FBXW2: variants seen among roughly 807,000 people sequenced by gnomAD.
FBXW2 encodes the protein F-box and WD repeat domain containing 2.
In FBXW2, 12 loss-of-function variants were observed where a neutral mutation model predicts 46.0. The ratio of observed to expected loss-of-function variants is 0.26; its 90% CI spans 0.17 to 0.42. The LOEUF (loss-of-function observed/expected upper bound fraction) is 0.42, where lower values mean the gene tolerates loss of function less well. Ranked by LOEUF, FBXW2 falls within the 10% of genes least tolerant of loss-of-function variation. FBXW2 has a pLI of 1.00. For missense variants in FBXW2, 360 were observed against 537.0 expected, an observed-to-expected ratio of 0.67 and a Z score of 3.26; for synonymous variants, 203 against 209.6, an observed-to-expected ratio of 0.97 and a Z score of 0.27.
intron 7 of FBXW2, among the ~76,000 whole-genome samples, chr9:120,766,438 A>G (rs1338979914): frequency 6.6e-6 from 1 of 152,118 alleles, no homozygotes; most frequent in Non-Finnish European, 1.5e-5. Flanking sequence ...CGAACTTCAT[A>G]ATTAACATGT....
chr9:120,785,956 T>C (rs947961521), intron 3 of FBXW2, among the ~76,000 whole-genome samples: 7 of 143,752 alleles, frequency 4.9e-5, no homozygotes, highest in African/African-American at 1.8e-4. Context: ...GAGGCAGAGG[T>C]TGCAGTGAGC....
intron 3 of FBXW2, among the ~76,000 whole-genome samples, chr9:120,786,528 T>A (rs2044727012): frequency 6.6e-6 from 1 of 152,188 alleles, no homozygotes; most frequent in Non-Finnish European, 1.5e-5. Flanking sequence ...TCTTAGGCAG[T>A]TTTTTTAGCA....
At position 120,760,070 on chromosome 9, in the gene FBXW2, C is replaced by T. The variant is rs2044174102; in HGVS notation, c.*4489G>A. ...AAGTGAATCTGTTCTTTTCATCAGA[C>T]ATTCTGAGGACAGCATAATTCTCAA... On this transcript the variant is annotated 3_prime_UTR_variant, in exon 8 of 8. Coordinates refer to ENST00000608872, the MANE Select transcript of FBXW2 (RefSeq NM_012164.4). 6.6e-6 allele frequency: 1 copy of T among 152,238 alleles called. No individual in the cohort carries two copies. The highest frequency in any genetic ancestry group is 2.4e-5 in the African/African-American group (1 of 41,464). 9.4% of individuals were successfully genotyped at this position (152,238 alleles called of 1,614,324 possible).
At chr9:120,772,400 G>A (rs2044397339) in intron 6 of FBXW2, among the ~76,000 whole-genome samples, 1 of 152,066 alleles carries the variant, frequency 6.6e-6, no homozygotes, top group African/African-American at 2.4e-5. Flanking sequence ...GGCTGAGGCA[G>A]GAGAATCACT....
In FBXW2 at chr9:120,763,450, T is replaced by G. The variant is rs1042400823; in HGVS notation, c.*1109A>C. On this transcript the variant is annotated 3_prime_UTR_variant, in exon 8 of 8. Transcript: ENST00000608872. ...GTTGGGTTCAGGTATCCTTCTAGTA[T>G]AGCATACTGTGTCCCTATTTAAACC... 6.6e-6 allele frequency: 1 copy of G among 152,218 alleles called. No individual in the cohort carries two copies. The highest frequency in any genetic ancestry group is 6.5e-5 in the Admixed American group (1 of 15,280). The allele number at this position is 152,218 out of a possible 1,614,324, so 9.4% of individuals were successfully genotyped here. A position where few individuals can be genotyped will look rare whatever the true frequency, so the allele number is the denominator to read the frequency against.
At chr9:120,784,873 A>G (rs916055220) in intron 3 of FBXW2, among the ~76,000 whole-genome samples, 1 of 148,946 alleles carries the variant, frequency 6.7e-6, no homozygotes, top group African/African-American at 2.5e-5. Flanking sequence ...GTGAGCCGAG[A>G]CTGCGCCACT....
chr9:120,788,238 C>A lies in FBXW2; in HGVS notation c.21G>T (p.Glu7Asp), dbSNP rs754706174. The A allele has an allele frequency of 2.5e-6, 4 of 1,613,810 alleles. No individual in the cohort carries two copies. Among genetic ancestry groups the A allele is most frequent in the Non-Finnish European group, 2.5e-6 (3 of 1,180,030 alleles). The change falls in exon 3 of 8, where the codon GAG becomes GAT. Residue 7 changes from glutamate (E) to aspartate (D), a missense_variant. Transcript: ENST00000608872. MERKDFETWLDNISVTF... is the reference protein window; with the variant it reads MERKDFDTWLDNISVTF... ...TAACAGAAATGTTATCAAGCCATGTCTCAAAGTCCTTTCTCTCCATAAGGT... is the reference window on the plus strand; with the variant it reads ...TAACAGAAATGTTATCAAGCCATGTATCAAAGTCCTTTCTCTCCATAAGGT...
At position 120,766,919 on chromosome 9, in the gene FBXW2, T is replaced by C. The variant is rs186202155; in HGVS notation, c.1077-2072A>G. 2.4e-3 allele frequency among the ~76,000 whole-genome samples: 360 copies of C among 152,310 alleles called. 5 individuals are homozygous for C. Among genetic ancestry groups the C allele is most frequent in the Admixed American group, 4.4e-3 (67 of 15,302 alleles). The stretch of plus-strand genomic sequence containing the variant: ...AGGTGCTGAGTGCTGGCTGGGCCCC[T>C]GAAGAGAGATAAGCAAGATAGTCTT... On this transcript the variant is annotated intron_variant, in intron 7 of 7. Transcript: ENST00000608872.
chr9:120,777,122 G>T (rs1337101699), intron 4 of FBXW2, among the ~76,000 whole-genome samples: 1 of 152,186 alleles, frequency 6.6e-6, no homozygotes, highest in East Asian at 1.9e-4. Flanking sequence ...CAATGTCTAG[G>T]CAACAGTAAT....
rs1198277879 is a variant in FBXW2, at chr9:120,761,163, T to C, written c.*3396A>G. On this transcript the variant is annotated 3_prime_UTR_variant, in exon 8 of 8. Coordinates refer to ENST00000608872, the MANE Select transcript of FBXW2 (RefSeq NM_012164.4). ...CAGGTTACAGTCAGATTTGGCAATG[T>C]GTATTACTTCAAATGATTGAGCTGG... The C allele has an allele frequency of 6.6e-6, 1 of 152,214 alleles. No individual in the cohort carries two copies. The allele number at this position is 152,214 out of a possible 1,614,324, so 9.4% of individuals were successfully genotyped here.
chr9:120,781,719 A>G (rs565191152), intron 3 of FBXW2, among the ~76,000 whole-genome samples: 33 of 151,910 alleles, frequency 2.2e-4, no homozygotes, highest in African/African-American at 8.0e-4. Flanking sequence ...GGAGTTATTC[A>G]GCCTTAAAAA....
At chr9:120,785,901 T>C (rs2044710127) in intron 3 of FBXW2, among the ~76,000 whole-genome samples, 1 of 150,516 alleles carries the variant, frequency 6.6e-6, no homozygotes, top group Non-Finnish European at 1.5e-5. Context: ...CGCACACCTG[T>C]AATCCCAGCT....
chr9:120,765,561 G>T (rs1039082160), intron 7 of FBXW2, among the ~76,000 whole-genome samples: 2 of 152,114 alleles, frequency 1.3e-5, no homozygotes, highest in African/African-American at 2.4e-5. Flanking sequence ...AGAACTAGAA[G>T]GCAAGAGTTA....
At chr9:120,787,000 A>G (rs1366236149) in intron 3 of FBXW2, among the ~76,000 whole-genome samples, 1 of 152,218 alleles carries the variant, frequency 6.6e-6, no homozygotes, top group Non-Finnish European at 1.5e-5. Flanking sequence ...AGGATTTCAG[A>G]GCAAGGAAGA....
At position 120,777,490 on chromosome 9, in the gene FBXW2, A is replaced by G. The variant is rs550578676; in HGVS notation, c.685+861T>C. Among the ~76,000 whole-genome samples, 6 of 152,370 alleles carry G rather than the reference A, an allele frequency of 3.9e-5. No homozygotes were observed. In the South Asian group the frequency reaches 1.0e-3, roughly 26 times the overall value. ...TTTAGTCTGGTGGGGAAGCAAGATT[A>G]TATTTGTATGATGAGCGGTCTACAG... is the stretch of plus-strand genomic sequence containing the variant. On this transcript the variant is annotated intron_variant, in intron 4 of 7. Transcript: ENST00000608872.
rs376739636 is a variant in FBXW2, at chr9:120,781,633, C to CATAT, written c.491-3089_491-3088insATAT. ...ACATACATGGAATATATTTTATATA[C>CATAT]ATACACACACACACACACACACACA... On this transcript the variant is annotated intron_variant, in intron 3 of 7. Coordinates refer to ENST00000608872, the MANE Select transcript of FBXW2 (RefSeq NM_012164.4). Among the ~76,000 whole-genome samples, 89 of 142,832 alleles carry CATAT rather than the reference C, an allele frequency of 6.2e-4. 1 individual carries two copies. In the East Asian group the frequency reaches 0.013, roughly 22 times the overall value. The allele number at this position is 142,832 out of a possible 152,430, so 93.7% of individuals were successfully genotyped here.
chr9:120,792,153 G>A (rs923818532), intron 2 of FBXW2, among the ~76,000 whole-genome samples: 1 of 152,124 alleles, frequency 6.6e-6, no homozygotes, highest in Non-Finnish European at 1.5e-5. Flanking sequence ...AATGGCACAG[G>A]AAGTAGCAGG....
At chr9:120,773,002 TTC>T (rs1261660160) in intron 5 of FBXW2, among the ~76,000 whole-genome samples, 162 bp from the exon 6 acceptor site, 6 of 152,328 alleles carry the variant, frequency 3.9e-5, no homozygotes, top group East Asian at 3.8e-4. Flanking sequence ...TACTACAATA[TTC>T]TCTGTTATTA....
chr9:120,758,149 A>G lies in FBXW2; in HGVS notation c.*6410T>C, dbSNP rs2044149370. Reference sequence around the variant, plus strand: ...AAAAGGTACAACAGTATTTATTGCTAAATGAACTGCACCACTAACCTTACA... The same window carrying G: ...AAAAGGTACAACAGTATTTATTGCTGAATGAACTGCACCACTAACCTTACA... On this transcript the variant is annotated 3_prime_UTR_variant, in exon 8 of 8. Coordinates refer to ENST00000608872, the MANE Select transcript of FBXW2 (RefSeq NM_012164.4). 6.6e-6 allele frequency: 1 copy of G among 152,206 alleles called. No individual in the cohort carries two copies. Among genetic ancestry groups the G allele is most frequent in the South Asian group, 2.1e-4 (1 of 4,830 alleles). The allele number at this position is 152,206 out of a possible 1,614,324, so 9.4% of individuals were successfully genotyped here.
Sources: gnomAD v4.1 joint callset for allele counts (sites outside exome capture counted in the v4.1 genomes callset) on GRCh38, gnomAD v4.1.1 for gene constraint, MANE v1.5 for transcripts, NCBI Gene and HGNC (gene_info 2026-07-23, HGNC 2026-07-21) for gene names.